AIFM3: variants seen among roughly 807,000 people sequenced by gnomAD.
AIFM3 encodes AIF family member 3.
AIFM3 carries 71 observed loss-of-function variants against 82.7 expected under a neutral mutation model. The ratio of observed to expected loss-of-function variants is 0.86; its 90% confidence interval spans 0.71 to 1.05. The LOEUF is 1.05. AIFM3 is among the 50% of genes least tolerant of loss of function. The pLI is 0.00. For synonymous variants in AIFM3, 337 were observed against 329.1 expected (o/e 1.02, Z -0.26); for missense variants, 748 against 816.7 (o/e 0.92, Z 1.03).
chr22:20,966,557 G>A (rs1020846402), upstream of AIFM3: 3 of 152,294 alleles, frequency 2.0e-5, no homozygotes, highest in Non-Finnish European at 4.4e-5. Context: ...GTGGGTCTCA[G>A]CCCCACCTCA....
At position 20,973,428 on chromosome 22, in the gene AIFM3, G is replaced by C. The variant is rs748543747; in HGVS notation, c.153G>C (p.Thr51=). The change falls in exon 3 of 21, where the codon ACG becomes ACC. Residue 51 remains threonine, a synonymous_variant. Coordinates refer to ENST00000440238, the MANE Select transcript of AIFM3 (RefSeq NM_001386814.1). ...ATGGCACGGCCCGCCACTTCCACAC[G>C]GAGGAGCGCCTGTCCACCCCTCACC... ...QGNGTARHFH[T]EERLSTPHPY... is the part of the protein sequence containing the mutation. 2.5e-6 allele frequency: 4 copies of C among 1,613,180 alleles called. No homozygotes were observed. Among genetic ancestry groups the C allele is most frequent in the Non-Finnish European group, 3.4e-6 (4 of 1,179,992 alleles).
intron 2 of AIFM3, among the ~76,000 whole-genome samples, chr22:20,970,862 C>G (rs1000422433): frequency 6.6e-6 from 1 of 152,252 alleles, no homozygotes; most frequent in African/African-American, 2.4e-5. Flanking sequence ...CTTGGCCTCC[C>G]AAAGTGTTGG....
rs761930853 is a variant in AIFM3 at position 20,974,527 on chromosome 22, C to G, written c.513C>G (p.Ala171=). The G allele has an allele frequency of 6.2e-7, 1 of 1,611,466 alleles. No individual in the cohort carries two copies. The highest frequency in any genetic ancestry group is 1.7e-5 in the Admixed American group (1 of 59,464). The change falls in exon 7 of 21, where the codon GCC becomes GCG. Residue 171 remains alanine, a splice_region_variant and synonymous_variant. Transcript: ENST00000440238. ...EKVYVRASKQ[A]LQLQRRTKVM... Reference sequence around the variant, plus strand: ...CTCCACCCTCCTGGCACCCACAGGCCCTACAGCTGCAGCGAAGGACCAAGG... The same window carrying G: ...CTCCACCCTCCTGGCACCCACAGGCGCTACAGCTGCAGCGAAGGACCAAGG...
In AIFM3 at chr22:20,976,411, CA is replaced by C. The variant is rs1271037331; in HGVS notation, c.905del (p.Lys302ArgfsTer3). Reference sequence around the variant, plus strand: ...CACTGACACGGCCATGTCTCAGCCCCAAGACTCTGAGCTGCAAAGGCAAAGA... The same window carrying C: ...CACTGACACGGCCATGTCTCAGCCCCAGACTCTGAGCTGCAAAGGCAAAGA... Reference protein sequence around the residue: ...KLLLAPGSSPKTLSCKGKEVE... With the variant: ...KLLLAPGSSPXTLSCKGKEVE... On this transcript the variant is annotated frameshift_variant, in exon 11 of 21. Coordinates refer to ENST00000440238, the MANE Select transcript of AIFM3 (RefSeq NM_001386814.1). LOFTEE classifies it high-confidence loss of function. 1 of 1,613,822 alleles carries C rather than the reference CA, an allele frequency of 6.2e-7. No individual in the cohort carries two copies. Among genetic ancestry groups the C allele is most frequent in the African/African-American group, 1.3e-5 (1 of 74,940 alleles).
intron 18 of AIFM3, 85 bp from the exon 19 acceptor site, chr22:20,979,935 C>A: frequency 7.5e-7 from 1 of 1,331,530 alleles, no homozygotes; most frequent in Non-Finnish European, 1.0e-6. Flanking sequence ...CTTCCCTGGG[C>A]CCCAGATGGA....
chr22:20,976,328 C>T, intron 10 of AIFM3, 22 bp downstream of exon 10: 1 of 1,613,740 alleles, frequency 6.2e-7, no homozygotes, highest in Non-Finnish European at 8.5e-7. Context: ...TCCTTTTTAC[C>T]CATCGGACAC....
At chr22:20,973,910 C>G in intron 4 of AIFM3, 43 bp downstream of exon 4, 1 of 1,487,786 alleles carries the variant, frequency 6.7e-7, no homozygotes, top group Non-Finnish European at 9.0e-7. Flanking sequence ...CTTCCAGGCC[C>G]CATGCCAGCT....
upstream of AIFM3, among the ~76,000 whole-genome samples, chr22:20,965,726 C>T (rs1452451229): frequency 6.6e-6 from 1 of 151,956 alleles, no homozygotes; most frequent in East Asian, 1.9e-4. Context: ...GGGCAGGTGG[C>T]GAGAGGTGGA....
In AIFM3 at chr22:20,967,992, T is replaced by A; in HGVS notation, c.31+17T>A. On this transcript the variant is annotated intron_variant, in intron 2 of 20. Transcript: ENST00000440238. Reference sequence around the variant, plus strand: ...CCAAACCAGGTACCTCCTGTCTTCTTGTCTCCATCCTTTCTCCTCCCTCCC... The same window carrying A: ...CCAAACCAGGTACCTCCTGTCTTCTAGTCTCCATCCTTTCTCCTCCCTCCC... 6.2e-7 allele frequency: 1 copy of A among 1,613,576 alleles called. No individual in the cohort carries two copies. Among genetic ancestry groups the A allele is most frequent in the Non-Finnish European group, 8.5e-7 (1 of 1,179,686 alleles).
upstream of AIFM3, chr22:20,965,311 C>G (rs1244629289): frequency 7.9e-5 from 12 of 151,878 alleles, no homozygotes; most frequent in Non-Finnish European, 1.5e-4. Context: ...GCTCCCAAGT[C>G]TCGGACCCCG....
At chr22:20,976,626 C>G in intron 11 of AIFM3, 25 bp from the exon 12 acceptor site, 1 of 1,611,012 alleles carries the variant, frequency 6.2e-7, no homozygotes, top group Non-Finnish European at 8.5e-7. Flanking sequence ...CAGGTGCCAG[C>G]CTGCCACCCC....
intron 14 of AIFM3, 79 bp from the exon 15 acceptor site, chr22:20,977,621 A>G: frequency 6.4e-7 from 1 of 1,561,466 alleles, no homozygotes; most frequent in Non-Finnish European, 8.8e-7. Flanking sequence ...TGGCACATCA[A>G]GCGCATGCTG....
intron 17 of AIFM3, 88 bp downstream of exon 17, chr22:20,979,457 G>T: frequency 6.8e-7 from 1 of 1,478,042 alleles, no homozygotes; most frequent in South Asian, 1.2e-5. Flanking sequence ...CCTAGGGGCA[G>T]GGCTATGACC....
Position 20,974,525 on chromosome 22 carries a change from G to C in AIFM3, c.511G>C (p.Ala171Pro). 6.2e-7 allele frequency: 1 copy of C among 1,611,134 alleles called. No individual in the cohort carries two copies. The highest frequency in any genetic ancestry group is 8.5e-7 in the Non-Finnish European group (1 of 1,178,920). ...CCCTCCACCCTCCTGGCACCCACAG[G>C]CCCTACAGCTGCAGCGAAGGACCAA... ...EKVYVRASKQ[A>P]LQLQRRTKVM... The change falls in exon 7 of 21, where the codon GCC (alanine) becomes CCC (proline). Residue 171 changes from alanine to proline, a missense_variant and splice_region_variant. Physicochemically the swap from Ala to Pro is conservative, Grantham distance 27. Coordinates refer to ENST00000440238, the MANE Select transcript of AIFM3 (RefSeq NM_001386814.1).
intron 2 of AIFM3, among the ~76,000 whole-genome samples, chr22:20,968,973 A>C (rs554181647): frequency 6.6e-6 from 1 of 152,196 alleles, no homozygotes; most frequent in South Asian, 2.1e-4. Flanking sequence ...AGAGGGACCC[A>C]CTTGCCTCTG....
chr22:20,981,019 G>A lies in AIFM3; in HGVS notation c.1806G>A (p.Gly602=), dbSNP rs1463011860. The A allele has an allele frequency of 6.2e-6, 10 of 1,614,188 alleles. No individual in the cohort carries two copies. Among genetic ancestry groups the A allele is most frequent in the Admixed American group, 1.7e-5 (1 of 60,016 alleles). Reference sequence around the variant, plus strand: ...CTGGCGACATGTCCTGGCTTACGGGGAAAGGATCCTGAGCTCACATGCAGT... The same window carrying A: ...CTGGCGACATGTCCTGGCTTACGGGAAAAGGATCCTGAGCTCACATGCAGT... The part of the protein sequence containing the change: ...SKTGDMSWLT[G]KGS The change falls in exon 21 of 21, where the codon GGG becomes GGA. Residue 602 remains glycine, a synonymous_variant. Coordinates refer to ENST00000440238, the MANE Select transcript of AIFM3 (RefSeq NM_001386814.1).
At chr22:20,967,642 G>A in intron 1 of AIFM3, 163 bp from the exon 2 acceptor site, 1 of 496,496 alleles carries the variant, frequency 2.0e-6, no homozygotes, top group South Asian at 2.7e-5. Flanking sequence ...GGGCTTCAAA[G>A]GGGAGGTGAC....
In AIFM3 at chr22:20,976,311, G is replaced by A. The variant is rs1158974466; in HGVS notation, c.899+5G>A. The A allele has an allele frequency of 4.3e-6, 7 of 1,613,844 alleles. No homozygotes were observed. The highest frequency in any genetic ancestry group is 5.9e-6 in the Non-Finnish European group (7 of 1,180,036). On this transcript the variant is annotated splice_donor_5th_base_variant and intron_variant, in intron 10 of 20. Transcript: ENST00000440238. Reference sequence around the variant, plus strand: ...GCTGCTGGCACCAGGGAGCAGGTGGGAGGGTCTCCTTTTTACCCATCGGAC... The same window carrying A: ...GCTGCTGGCACCAGGGAGCAGGTGGAAGGGTCTCCTTTTTACCCATCGGAC...
intron 14 of AIFM3, 40 bp downstream of exon 14, chr22:20,977,135 G>C (rs1251287932): frequency 6.2e-7 from 1 of 1,612,628 alleles, no homozygotes; most frequent in East Asian, 2.2e-5. Flanking sequence ...AAGCAGCCCA[G>C]CCGTCTGCAC....
Sources: allele counts gnomAD v4.1 joint callset (sites outside exome capture counted in the v4.1 genomes callset), GRCh38; gene constraint gnomAD v4.1.1; transcripts MANE v1.5; gene names NCBI Gene and HGNC (gene_info 2026-07-23, HGNC 2026-07-21).